AGAP3: variants seen among roughly 807,000 people sequenced by gnomAD.
AGAP3 encodes ArfGAP with GTPase domain, ankyrin repeat and PH domain 3, also known as arf-GAP with GTPase, ANK repeat and PH domain-containing protein 3.
Under a neutral mutation model 96.9 loss-of-function variants are expected in AGAP3, and 24 were observed. The ratio of observed to expected loss-of-function variants is 0.25; its 90% CI spans 0.18 to 0.35. The LOEUF is 0.35. Ranked by LOEUF, AGAP3 falls within the 10% of genes least tolerant of loss-of-function variation. The pLI is 1.00. For synonymous variants in AGAP3, 563 were observed against 536.1 expected (o/e 1.05, Z -0.69); for missense variants, 876 against 1,254.2 (o/e 0.70, Z 4.55).
chr7:151,112,575 C>T (rs753229430), intron 1 of AGAP3, among the ~76,000 whole-genome samples: 5 of 151,980 alleles, frequency 3.3e-5, no homozygotes, highest in Non-Finnish European at 7.4e-5. Flanking sequence ...CTCCAGAGGT[C>T]GGCTCCCATA....
chr7:151,142,486 G>A lies in AGAP3; in HGVS notation c.2125G>A (p.Ala709Thr), dbSNP rs762756434. 6.2e-7 allele frequency: 1 copy of A among 1,613,938 alleles called. No homozygotes were observed. Among genetic ancestry groups the A allele is most frequent in the African/African-American group, 1.3e-5 (1 of 75,064 alleles). Residue 709 changes from alanine to threonine, a missense_variant, in exon 16 of 18, where the codon GCT becomes ACT. Physicochemically the swap from Ala to Thr is moderately conservative, Grantham distance 58. Coordinates refer to ENST00000397238, the MANE Select transcript of AGAP3 (RefSeq NM_031946.7). The surrounding 1 kb of genome is among the most constrained non-coding windows in gnomAD (Gnocchi z 7.5). ...CTCAGGCATCCACCGACACCTGGGG[G>A]CTCACCTGTCCCGGGTGCGCTCCCT... ...ECSGIHRHLG[A>T]HLSRVRSLDL...
At chr7:151,126,140 T>G (rs1348181926) in intron 9 of AGAP3, among the ~76,000 whole-genome samples, 3 of 151,630 alleles carry the variant, frequency 2.0e-5, no homozygotes, top group African/African-American at 7.3e-5. Flanking sequence ...CTCCCTCGCC[T>G]CCGCCTGGGG....
intron 9 of AGAP3, among the ~76,000 whole-genome samples, chr7:151,124,289 GTTT>G (rs1285086954): frequency 1.3e-5 from 2 of 152,190 alleles, no homozygotes; most frequent in Non-Finnish European, 2.9e-5. Context: ...TGTTGGCATG[GTTT>G]TGTTAATAAG....
chr7:151,126,150 G>A (rs1800158143), intron 9 of AGAP3, among the ~76,000 whole-genome samples: 1 of 152,052 alleles, frequency 6.6e-6, no homozygotes, highest in Non-Finnish European at 1.5e-5. Flanking sequence ...TCCGCCTGGG[G>A]AGGGCGTTGC....
chr7:151,118,958 A>T lies in AGAP3; in HGVS notation c.969+326A>T, dbSNP rs2150475912. Among the ~76,000 whole-genome samples, 1 of 152,312 alleles carries T rather than the reference A, an allele frequency of 6.6e-6. No homozygotes were observed. Among genetic ancestry groups the T allele is most frequent in the Non-Finnish European group, 1.5e-5 (1 of 68,012 alleles). Reference sequence around the variant, plus strand: ...CCACAGGTGGCATGGTCAAGGCAGCAGCCACTGCACTTTACCTCTGCCAAT... The same window carrying T: ...CCACAGGTGGCATGGTCAAGGCAGCTGCCACTGCACTTTACCTCTGCCAAT... On this transcript the variant is annotated intron_variant, in intron 7 of 17. Coordinates refer to ENST00000397238, the MANE Select transcript of AGAP3 (RefSeq NM_031946.7). The surrounding 1 kb of genome is among the most constrained non-coding windows in gnomAD (Gnocchi z 6.1).
chr7:151,105,585 G>A (rs376389537), intron 1 of AGAP3, among the ~76,000 whole-genome samples: 21 of 143,540 alleles, frequency 1.5e-4, no homozygotes, highest in African/African-American at 3.9e-4. Flanking sequence ...GGGAAACCCC[G>A]TCTCTACAAA....
chr7:151,142,719 T>C lies in AGAP3; in HGVS notation c.2273+85T>C. On this transcript the variant is annotated intron_variant, in intron 16 of 17. Transcript: ENST00000397238. This position sits in a 1 kb window ranked among gnomAD's most constrained non-coding sequence, Gnocchi z 7.5. ...ATGGGGAAGATTGGAGTGGCTGTGA[T>C]GGTATTAGAAGGGTTAAAACTGTCT... The C allele has an allele frequency of 7.0e-7, 1 of 1,429,106 alleles. No homozygotes were observed. The highest frequency in any genetic ancestry group is 9.6e-7 in the Non-Finnish European group (1 of 1,043,468). The allele number at this position is 1,429,106 out of a possible 1,614,324, so 88.5% of individuals were successfully genotyped here. A position where few individuals can be genotyped will look rare whatever the true frequency, so the allele number is the denominator to read the frequency against.
chr7:151,113,287 G>A (rs985262743), intron 1 of AGAP3, among the ~76,000 whole-genome samples: 5 of 152,202 alleles, frequency 3.3e-5, no homozygotes, highest in Non-Finnish European at 5.9e-5. Flanking sequence ...ATTGTGGGGG[G>A]AACATGCATC....
chr7:151,115,776 G>C, intron 1 of AGAP3: 2 of 487,126 alleles, frequency 4.1e-6, no homozygotes, highest in Non-Finnish European at 5.6e-6. Flanking sequence ...TGTCGTCCGC[G>C]CCTGGCGTCT....
rs1208587261 is a variant in AGAP3, at chr7:151,141,498, C to T, written c.1805-400C>T. The T allele has an allele frequency of 1.7e-5, 4 of 230,416 alleles. No homozygotes were observed. Among genetic ancestry groups the T allele is most frequent in the African/African-American group, 6.8e-5 (3 of 43,966 alleles). The allele number at this position is 230,416 out of a possible 1,614,324, so 14.3% of individuals were successfully genotyped here. A position where few individuals can be genotyped will look rare whatever the true frequency, so the allele number is the denominator to read the frequency against. ...CTGCAGCTGACATGTACGGATGGTG[C>T]CCACACCCGCCTTCCCCCACCCTCT... is the stretch of plus-strand genomic sequence containing the variant. On this transcript the variant is annotated intron_variant, in intron 13 of 17. Transcript: ENST00000397238. The surrounding 1 kb of genome is among the most constrained non-coding windows in gnomAD (Gnocchi z 4.2).
intron 7 of AGAP3, chr7:151,119,338 A>G (rs971515898): frequency 6.3e-6 from 1 of 158,010 alleles, no homozygotes; most frequent in African/African-American, 2.4e-5. Flanking sequence ...TGTGCCGTGC[A>G]TGCTTCCCGA....
intron 8 of AGAP3, 73 bp downstream of exon 8, chr7:151,120,218 C>A: frequency 6.7e-7 from 1 of 1,493,756 alleles, no homozygotes; most frequent in Non-Finnish European, 9.1e-7. Flanking sequence ...AGCTCCCAGC[C>A]AGGAGGGGCG....
chr7:151,117,625 C>T lies in AGAP3; in HGVS notation c.565-11C>T, dbSNP rs368719139. The T allele has an allele frequency of 6.2e-7, 1 of 1,613,752 alleles. No homozygotes were observed. Among genetic ancestry groups the T allele is most frequent in the Non-Finnish European group, 8.5e-7 (1 of 1,179,778 alleles). On this transcript the variant is annotated splice_polypyrimidine_tract_variant and intron_variant, in intron 4 of 17. Transcript: ENST00000397238. ...CAGTTGCGGGTGCTAATTTTACTTG[C>T]TCTACCCTAGTTTGCTGCCTGGGTG...
chr7:151,095,730 T>C (rs1029603345), intron 1 of AGAP3, among the ~76,000 whole-genome samples: 1 of 130,836 alleles, frequency 7.6e-6, no homozygotes, highest in African/African-American at 2.9e-5. Flanking sequence ...AAAAAAAAGA[T>C]ACCAGAAAGG....
intron 1 of AGAP3, among the ~76,000 whole-genome samples, chr7:151,106,973 T>C (rs188558158): frequency 1.4e-4 from 22 of 152,350 alleles, no homozygotes; most frequent in Admixed American, 6.5e-4. Flanking sequence ...TCCTGCAAAA[T>C]TAGTGCAATG....
intron 2 of AGAP3, 101 bp from the exon 3 acceptor site, chr7:151,116,994 C>T (rs975771049): frequency 6.8e-7 from 1 of 1,474,562 alleles, no homozygotes; most frequent in Non-Finnish European, 9.4e-7. Flanking sequence ...TCCCCTTCAG[C>T]CCTGGCCTTT....
intron 1 of AGAP3, among the ~76,000 whole-genome samples, chr7:151,097,303 G>A (rs1474605204): frequency 1.3e-5 from 2 of 151,808 alleles, no homozygotes; most frequent in Non-Finnish European, 2.9e-5. Flanking sequence ...AGCCGAGGCA[G>A]GTGGATCACC....
In AGAP3 at chr7:151,138,637, C is replaced by T. The variant is rs550565146; in HGVS notation, c.1666+324C>T. ...TCTGCAGCTCCTCCTCCCCTTTGTC[C>T]CCAGGCGGCGCTGGTGGTGGCTCCC... On this transcript the variant is annotated intron_variant, in intron 12 of 17. Coordinates refer to ENST00000397238, the MANE Select transcript of AGAP3 (RefSeq NM_031946.7). 1.4e-4 allele frequency among the ~76,000 whole-genome samples: 21 copies of T among 152,360 alleles called. No homozygotes were observed. In the South Asian group the frequency reaches 3.9e-3, roughly 29 times the overall value.
chr7:151,137,128 A>G (rs1218942850), intron 11 of AGAP3, among the ~76,000 whole-genome samples: 3 of 152,200 alleles, frequency 2.0e-5, no homozygotes, highest in Non-Finnish European at 2.9e-5. Context: ...TTTACCTTCC[A>G]GCTGCTGCAG....
Sources: gnomAD v4.1 joint callset for allele counts (sites outside exome capture counted in the v4.1 genomes callset) on GRCh38, gnomAD v4.1.1 for gene constraint, Gnocchi (gnomAD v3.1) non-coding constraint, MANE v1.5 for transcripts, NCBI Gene and HGNC (gene_info 2026-07-23, HGNC 2026-07-21) for gene names.